The following PTK2 variants were observed in gnomAD, a reference collection of about 807,000 sequenced individuals.
PTK2 encodes focal adhesion kinase 1.
A neutral mutation model predicts 150.1 loss-of-function variants in PTK2; 45 were observed. The ratio of observed to expected loss-of-function variants is 0.30; its 90% CI spans 0.24 to 0.38. The LOEUF (loss-of-function observed/expected upper bound fraction) is 0.38. PTK2 is among the 10% of genes least tolerant of loss of function. The probability of loss-of-function intolerance (pLI) is 1.00; values close to 1 mark genes in which losing one functional copy is unlikely to be tolerated. For synonymous variants in PTK2, 432 were observed against 449.2 expected, an observed-to-expected ratio of 0.96 and a Z score of 0.48; for missense variants, 919 against 1,307.3, an observed-to-expected ratio of 0.70 and a Z score of 4.58.
intron 1 of PTK2, among the ~76,000 whole-genome samples, chr8:140,985,529 C>T (rs187379070): frequency 6.6e-6 from 1 of 152,300 alleles, no homozygotes; most frequent in East Asian, 1.9e-4. Context: ...CATCAACATC[C>T]AGGCTTTTGC....
At chr8:140,775,949 A>G (rs1412820071) in intron 14 of PTK2, among the ~76,000 whole-genome samples, 5 of 152,218 alleles carry the variant, frequency 3.3e-5, no homozygotes, top group Non-Finnish European at 4.4e-5. Context: ...CTAAAATATT[A>G]TCTTCACATT....
At chr8:140,966,217 C>T (rs1040621650) in intron 1 of PTK2, among the ~76,000 whole-genome samples, 8 of 152,178 alleles carry the variant, frequency 5.3e-5, no homozygotes, top group Admixed American at 5.2e-4. Flanking sequence ...GCACCATTAT[C>T]TAAAACAGCA....
intron 2 of PTK2, among the ~76,000 whole-genome samples, chr8:140,892,980 C>T (rs1601117454): frequency 6.6e-6 from 1 of 152,200 alleles, no homozygotes; most frequent in East Asian, 1.9e-4. Context: ...CATGAACCAA[C>T]CATTCCATTT....
At position 140,796,816 on chromosome 8, in the gene PTK2, T is replaced by C. The variant is rs374708168; in HGVS notation, c.1094-3432A>G. Among the ~76,000 whole-genome samples, 53 of 152,274 alleles carry C rather than the reference T, an allele frequency of 3.5e-4. 1 individual carries two copies. The highest frequency in any genetic ancestry group is 1.2e-3 in the African/African-American group (51 of 41,552). On this transcript the variant is annotated intron_variant, in intron 12 of 31. Transcript: ENST00000522684. The stretch of plus-strand genomic sequence containing the variant: ...TCTTAGAAGTGTTCATTAACTGAAA[T>C]TGGTGACTTAACTTACCAGACTTTT...
chr8:140,849,836 A>G (rs2100128060), intron 5 of PTK2, among the ~76,000 whole-genome samples: 1 of 152,204 alleles, frequency 6.6e-6, no homozygotes, highest in African/African-American at 2.4e-5. Flanking sequence ...TAAAGTCAGG[A>G]TTCAAAATCC....
intron 5 of PTK2, among the ~76,000 whole-genome samples, chr8:140,861,775 C>T (rs889857052): frequency 6.6e-6 from 1 of 152,148 alleles, no homozygotes; most frequent in Non-Finnish European, 1.5e-5. Flanking sequence ...CTATTATATA[C>T]AGAACAAGCA....
chr8:140,927,950 A>G (rs1267842429), intron 1 of PTK2, among the ~76,000 whole-genome samples: 2 of 83,380 alleles, frequency 2.4e-5, no homozygotes, highest in African/African-American at 4.6e-5. Context: ...GAAAAAAAAA[A>G]AAAAAAAGAA....
chr8:140,969,058 G>A (rs1587992809), intron 1 of PTK2, among the ~76,000 whole-genome samples: 1 of 152,164 alleles, frequency 6.6e-6, no homozygotes, highest in South Asian at 2.1e-4. Flanking sequence ...CCTCTTGAAA[G>A]CAACTAGAAA....
chr8:140,904,420 C>T (rs1439567059), intron 2 of PTK2, among the ~76,000 whole-genome samples: 2 of 152,074 alleles, frequency 1.3e-5, no homozygotes, highest in Non-Finnish European at 2.9e-5. Flanking sequence ...TGAGGATTTT[C>T]GCATCGATGT....
intron 12 of PTK2, among the ~76,000 whole-genome samples, chr8:140,798,318 A>C (rs966084929): frequency 6.6e-6 from 1 of 152,188 alleles, no homozygotes; most frequent in Non-Finnish European, 1.5e-5. Flanking sequence ...TAGGCAATGT[A>C]TCTTCACCTT....
At chr8:140,677,825 CA>C (rs1226348668) in intron 27 of PTK2, among the ~76,000 whole-genome samples, 1 of 152,152 alleles carries the variant, frequency 6.6e-6, no homozygotes, top group Non-Finnish European at 1.5e-5. Flanking sequence ...TTCATTTGTT[CA>C]ATGAACAGTT....
chr8:140,949,005 C>G (rs1451316297), intron 1 of PTK2, among the ~76,000 whole-genome samples: 2 of 151,710 alleles, frequency 1.3e-5, no homozygotes, highest in African/African-American at 4.8e-5. Flanking sequence ...TTTTGCCACC[C>G]GAGACAGCAA....
At chr8:140,892,636 TAA>T (rs374677357) in intron 2 of PTK2, 45 of 360,432 alleles carry the variant, frequency 1.2e-4, no homozygotes, top group East Asian at 3.2e-4. Flanking sequence ...TCCAATTAGT[TAA>T]AAAAAAAAAT....
intron 1 of PTK2, among the ~76,000 whole-genome samples, chr8:140,931,921 C>A (rs969437035): frequency 8.0e-6 from 1 of 124,630 alleles, no homozygotes; most frequent in Non-Finnish European, 1.6e-5. Flanking sequence ...CGACAGAGAC[C>A]CAGTCTCAAA....
At chr8:140,905,441 T>C (rs2100160485) in intron 2 of PTK2, among the ~76,000 whole-genome samples, 1 of 151,966 alleles carries the variant, frequency 6.6e-6, no homozygotes, top group Non-Finnish European at 1.5e-5. Context: ...GGGCATTATA[T>C]AATGGTAAAG....
intron 2 of PTK2, among the ~76,000 whole-genome samples, chr8:140,921,468 C>T (rs1005255774): frequency 2.0e-5 from 3 of 152,108 alleles, no homozygotes; most frequent in Non-Finnish European, 4.4e-5. Flanking sequence ...ATTTTACTAA[C>T]CTAATTCTTT....
At chr8:140,717,836 A>G (rs1380903224) in intron 22 of PTK2, 127 bp from the exon 26 acceptor site, 2 of 681,982 alleles carry the variant, frequency 2.9e-6, no homozygotes, top group Non-Finnish European at 5.2e-6. Context: ...AGGATCCTAT[A>G]CACAGGGGAA....
At chr8:140,673,200 T>A (rs567397961) in intron 29 of PTK2, among the ~76,000 whole-genome samples, 1 of 152,020 alleles carries the variant, frequency 6.6e-6, no homozygotes, top group Non-Finnish European at 1.5e-5. Context: ...CTCCACCTCC[T>A]GGGTTCAAGT....
At chr8:140,676,765 T>TAAAA (rs869199304) in intron 27 of PTK2, among the ~76,000 whole-genome samples, 18 of 55,570 alleles carry the variant, frequency 3.2e-4, no homozygotes, top group African/African-American at 1.3e-3. Flanking sequence ...GTCTCTACTT[T>TAAAA]AAAAAAAAAA....
Sources: gnomAD v4.1 joint callset for allele counts (sites outside exome capture counted in the v4.1 genomes callset) on GRCh38, gnomAD v4.1.1 for gene constraint, MANE v1.5 for transcripts, NCBI Gene and HGNC (gene_info 2026-07-23, HGNC 2026-07-21) for gene names.